PPEF1: variants seen among roughly 807,000 people sequenced by gnomAD.
PPEF1 encodes serine/threonine-protein phosphatase with EF-hands 1.
In PPEF1, 12 loss-of-function variants were observed where a neutral mutation model predicts 53.3. The ratio of observed to expected loss-of-function variants is 0.23; its 90% confidence interval spans 0.14 to 0.36. The LOEUF (loss-of-function observed/expected upper bound fraction) is 0.36, where lower values mean the gene tolerates loss of function less well. Among genes scored for constraint, PPEF1 ranks in the 10% least tolerant of loss-of-function variants. The pLI is 1.00. For synonymous variants in PPEF1, 165 were observed against 176.7 expected (o/e 0.93, Z 0.52); for missense variants, 334 against 490.4 (o/e 0.68, Z 3.01).
intron 3 of PPEF1, among the ~76,000 whole-genome samples, chrX:18,690,382 G>A (rs1183887182): frequency 1.0e-5 from 1 of 97,534 alleles, no homozygotes; most frequent in Non-Finnish European, 2.1e-5. Context: ...TTTTTTTGGC[G>A]GGGGGCAGGC....
intron 4 of PPEF1, among the ~76,000 whole-genome samples, chrX:18,692,314 A>G (rs1164489123): frequency 8.9e-6 from 1 of 111,976 alleles, no homozygotes; most frequent in Non-Finnish European, 1.9e-5. Flanking sequence ...CCCTATTGCA[A>G]TGAATATCAT....
intron 13 of PPEF1, among the ~76,000 whole-genome samples, chrX:18,821,798 AG>A (rs1320451202): frequency 5.0e-4 from 9 of 17,947 alleles, no homozygotes; most frequent in African/African-American, 2.5e-3. Flanking sequence ...AGAGAGAGAG[AG>A]AGAGAAAACA....
At chrX:18,764,442 G>T (rs1602426395) in intron 6 of PPEF1, among the ~76,000 whole-genome samples, 1 of 111,390 alleles carries the variant, frequency 9.0e-6, no homozygotes, top group Non-Finnish European at 1.9e-5. Flanking sequence ...CCTTCAGAAG[G>T]GCTGCAGGAG....
In PPEF1 at chrX:18,782,408, A is replaced by G; in HGVS notation, c.762+6A>G. On this transcript the variant is annotated splice_donor_region_variant and intron_variant, in intron 8 of 15. Transcript: ENST00000470157. Reference sequence around the variant, plus strand: ...AAATTTTGCATAAATATAAGGTAAGACATGCTTTTTTTTTTTTTTTTAGTA... The same window carrying G: ...AAATTTTGCATAAATATAAGGTAAGGCATGCTTTTTTTTTTTTTTTTAGTA... The G allele has an allele frequency of 9.2e-7, 1 of 1,089,340 alleles. No homozygotes were observed. The highest frequency in any genetic ancestry group is 3.1e-5 in the East Asian group (1 of 32,179). 89.8% of individuals were successfully genotyped at this position (1,089,340 alleles called of 1,213,427 possible).
intron 1 of PPEF1, among the ~76,000 whole-genome samples, chrX:18,724,310 T>C (rs1174313376): frequency 9.0e-6 from 1 of 111,476 alleles, no homozygotes; most frequent in Non-Finnish European, 1.9e-5. Flanking sequence ...TCAAATCACG[T>C]TGAAGTAGAT....
rs1282546468 is a variant in PPEF1, at chrX:18,726,400, G to A, written c.47-3781G>A. Among the ~76,000 whole-genome samples, 3 of 104,480 alleles carry A rather than the reference G, an allele frequency of 2.9e-5. No individual in the cohort carries two copies. The South Asian group carries it at 1.2e-3, about 42-fold the overall frequency. 90.7% of individuals were successfully genotyped at this position (104,480 alleles called of 115,157 possible). Reference sequence around the variant, plus strand: ...TAAATAAATAAATAAATAAATGGCGGCCATTATTATTCAAAGGAAGGAAAG... The same window carrying A: ...TAAATAAATAAATAAATAAATGGCGACCATTATTATTCAAAGGAAGGAAAG... On this transcript the variant is annotated intron_variant, in intron 1 of 15. Coordinates refer to ENST00000470157, the MANE Select transcript of PPEF1 (RefSeq NM_001377996.1).
intron 1 of PPEF1, among the ~76,000 whole-genome samples, chrX:18,709,428 T>C (rs1264369883): frequency 8.9e-6 from 1 of 112,167 alleles, no homozygotes; most frequent in Non-Finnish European, 1.9e-5. Flanking sequence ...AATATTTCAT[T>C]GTATGAATAT....
intron 1 of PPEF1, among the ~76,000 whole-genome samples, chrX:18,716,317 G>A (rs1303387486): frequency 9.1e-6 from 1 of 110,224 alleles, no homozygotes; most frequent in Non-Finnish European, 1.9e-5. Flanking sequence ...TGAATCACGA[G>A]GTCAGGAGAT....
rs748023322 is a variant in PPEF1, at chrX:18,734,521, T to C, written c.235+713T>C. Among the ~76,000 whole-genome samples, 3 of 111,367 alleles carry C rather than the reference T, an allele frequency of 2.7e-5. No homozygotes were observed. In the South Asian group the frequency reaches 1.1e-3, roughly 43 times the overall value. On this transcript the variant is annotated intron_variant, in intron 3 of 15. Coordinates refer to ENST00000470157, the MANE Select transcript of PPEF1 (RefSeq NM_001377996.1). ...TATGTGCCACATTTTCTTAATCCAG[T>C]CTATCATTGATGGACATTTGGGTTG...
chrX:18,770,139 G>A (rs2045844940), intron 6 of PPEF1, among the ~76,000 whole-genome samples: 1 of 111,394 alleles, frequency 9.0e-6, no homozygotes, highest in South Asian at 3.8e-4. Context: ...GGAACTGGGT[G>A]AAGCATGTTT....
At chrX:18,827,032 G>A (rs973654533) in intron 15 of PPEF1, among the ~76,000 whole-genome samples, 4 of 111,480 alleles carry the variant, frequency 3.6e-5, no homozygotes, top group East Asian at 2.8e-4. Context: ...CCACAACCCC[G>A]TCCCCATTTC....
intron 4 of PPEF1, 52 bp downstream of exon 4, chrX:18,750,004 A>T: frequency 1.9e-6 from 2 of 1,059,323 alleles, no homozygotes; most frequent in East Asian, 6.1e-5. Flanking sequence ...GATGCCCAAT[A>T]ACTGTTGAAA....
chrX:18,712,240 T>C (rs2044347063), intron 1 of PPEF1, among the ~76,000 whole-genome samples: 1 of 111,698 alleles, frequency 9.0e-6, no homozygotes, highest in South Asian at 3.7e-4. Context: ...AATCTGTAGA[T>C]CAATTTGGGG....
At chrX:18,723,060 C>A (rs113083030) in intron 1 of PPEF1, among the ~76,000 whole-genome samples, 22 of 108,782 alleles carry the variant, frequency 2.0e-4, no homozygotes, top group African/African-American at 7.4e-4. Context: ...TCTCGGCTCA[C>A]GGCAACCTCC....
At chrX:18,726,126 C>T (rs942651076) in intron 1 of PPEF1, among the ~76,000 whole-genome samples, 4 of 110,679 alleles carry the variant, frequency 3.6e-5, no homozygotes, top group Middle Eastern at 4.6e-3. Context: ...GAGGCTGAGG[C>T]GGGTGGATCA....
At chrX:18,691,963 C>G (rs2147243303) in intron 4 of PPEF1, among the ~76,000 whole-genome samples, 1 of 111,988 alleles carries the variant, frequency 8.9e-6, no homozygotes, top group South Asian at 3.8e-4. Flanking sequence ...TCTTTGTTAG[C>G]CTCCCTGTTG....
At chrX:18,807,452 A>G (rs1439876200) in intron 12 of PPEF1, among the ~76,000 whole-genome samples, 5 of 112,264 alleles carry the variant, frequency 4.5e-5, no homozygotes, top group Admixed American at 2.9e-4. Flanking sequence ...CCCAGAGGTA[A>G]CTAAAACTGG....
chrX:18,704,238 T>C (rs1290052481), upstream of PPEF1, among the ~76,000 whole-genome samples: 1 of 111,503 alleles, frequency 9.0e-6, no homozygotes. Context: ...AATTCTTATG[T>C]CTTCATAAAA....
intron 1 of PPEF1, among the ~76,000 whole-genome samples, chrX:18,676,803 C>T (rs1339739914): frequency 8.9e-6 from 1 of 111,788 alleles, no homozygotes; most frequent in East Asian, 2.8e-4. Context: ...CTGTCTGCCC[C>T]TGGGTATAAA....
Sources: gnomAD v4.1 joint callset for allele counts (sites outside exome capture counted in the v4.1 genomes callset) on GRCh38, gnomAD v4.1.1 for gene constraint, MANE v1.5 for transcripts, NCBI Gene and HGNC (gene_info 2026-07-23, HGNC 2026-07-21) for gene names.